Variants in IQCE observed in about 807,000 individuals in gnomAD.
IQCE encodes IQ domain-containing protein E.
In IQCE, 115 loss-of-function variants were observed where a neutral mutation model predicts 96.0. The ratio of observed to expected loss-of-function variants is 1.20; its 90% CI spans 1.03 to 1.40. The LOEUF is 1.40. Ranked by LOEUF, IQCE falls within the 40% of genes most tolerant of loss-of-function variation. The probability of loss-of-function intolerance (pLI) is 0.00; values close to 1 mark genes in which losing one functional copy is unlikely to be tolerated. For synonymous variants in IQCE, 412 were observed against 371.2 expected, an observed-to-expected ratio of 1.11 and a Z score of -1.26; for missense variants, 1,041 against 909.1, an observed-to-expected ratio of 1.15 and a Z score of -1.87.
At chr7:2,591,304 C>G (rs1783564319) in intron 14 of IQCE, among the ~76,000 whole-genome samples, 1 of 152,066 alleles carries the variant, frequency 6.6e-6, no homozygotes, top group African/African-American at 2.4e-5. Flanking sequence ...GGTGTGACCA[C>G]AGGGCTGGGA....
In IQCE at chr7:2,610,491, C is replaced by T. The variant is rs1279364141; in HGVS notation, c.*329C>T. On this transcript the variant is annotated 3_prime_UTR_variant, in exon 22 of 22. Coordinates refer to ENST00000402050, the MANE Select transcript of IQCE (RefSeq NM_152558.5). ...ACGTTCTCTGACAGCACCTTGCCGC[C>T]TGCCCACGACCTTGACCGTGAGGAG... The T allele has an allele frequency of 8.2e-6, 2 of 244,702 alleles. No homozygotes were observed. The highest frequency in any genetic ancestry group is 1.6e-5 in the Non-Finnish European group (2 of 124,272). The allele number at this position is 244,702 out of a possible 1,614,324, so 15.2% of individuals were successfully genotyped here. A position where few individuals can be genotyped will look rare whatever the true frequency, so the allele number is the denominator to read the frequency against.
chr7:2,589,689 C>T (rs930850307), intron 13 of IQCE, among the ~76,000 whole-genome samples: 2 of 152,072 alleles, frequency 1.3e-5, no homozygotes, highest in African/African-American at 2.4e-5. Flanking sequence ...CGGGGGTCTG[C>T]GCGTGCCTCA....
chr7:2,582,601 A>G lies in IQCE; in HGVS notation c.652A>G (p.Arg218Gly). 2 of 1,614,120 alleles carry G rather than the reference A, an allele frequency of 1.2e-6. No individual in the cohort carries two copies. Among genetic ancestry groups the G allele is most frequent in the Non-Finnish European group, 1.7e-6 (2 of 1,179,992 alleles). The stretch of plus-strand genomic sequence containing the variant: ...GCAGGTCATTAACGGGCTGAAGCAG[A>G]GGATCCTGAAGCTGGAACAGCAGTG... ...ASWVINGLKQ[R>G]ILKLEQQCKE... The change falls in exon 9 of 22, where the codon AGG (arginine) becomes GGG (glycine). Residue 218 changes from arginine (R) to glycine (G), a missense_variant. Arg to Gly is a moderately radical substitution (Grantham distance 125, BLOSUM62 -2). Coordinates refer to ENST00000402050, the MANE Select transcript of IQCE (RefSeq NM_152558.5).
intron 16 of IQCE, among the ~76,000 whole-genome samples, chr7:2,597,848 C>A (rs1122334): frequency 2.6e-5 from 4 of 151,864 alleles, no homozygotes; most frequent in African/African-American, 9.7e-5. Context: ...TAAATTTTTT[C>A]ATAGAGATGG....
At chr7:2,603,586 G>A (rs780384781) in intron 18 of IQCE, among the ~76,000 whole-genome samples, 2 of 152,210 alleles carry the variant, frequency 1.3e-5, no homozygotes, top group African/African-American at 2.4e-5. Context: ...TGTGCGCAGT[G>A]TGTGGCGTGA....
intron 17 of IQCE, among the ~76,000 whole-genome samples, chr7:2,599,575 C>T (rs1257554699): frequency 2.0e-5 from 3 of 152,046 alleles, no homozygotes; most frequent in Non-Finnish European, 4.4e-5. Context: ...CAGCTCACTG[C>T]AGCCTCGACC....
chr7:2,605,533 T>A (rs1784742466), intron 19 of IQCE, among the ~76,000 whole-genome samples: 1 of 151,992 alleles, frequency 6.6e-6, no homozygotes, highest in African/African-American at 2.4e-5. Context: ...GGCAGGAGAA[T>A]GGGGTGAACC....
chr7:2,559,715 C>G (rs1023526011), intron 1 of IQCE, among the ~76,000 whole-genome samples: 3 of 124,484 alleles, frequency 2.4e-5, no homozygotes, highest in Non-Finnish European at 3.1e-5. Context: ...TTACTTTGCC[C>G]GGTAAATATC....
chr7:2,606,990 G>C (rs989777981), intron 20 of IQCE, 134 bp from the exon 21 acceptor site: 2 of 775,280 alleles, frequency 2.6e-6, no homozygotes, highest in Admixed American at 6.4e-5. Context: ...CTGGTCGTGG[G>C]GCTCGGGACT....
chr7:2,571,605 C>T lies in IQCE; in HGVS notation c.210C>T (p.Gly70=), dbSNP rs368748411. The T allele has an allele frequency of 3.9e-5, 62 of 1,602,054 alleles. 1 individual carries two copies. The highest frequency in any genetic ancestry group is 1.0e-4 in the Admixed American group (6 of 60,002). The change falls in exon 4 of 22, where the codon GGC becomes GGT. Residue 70 remains glycine (G), a synonymous_variant. Coordinates refer to ENST00000402050, the MANE Select transcript of IQCE (RefSeq NM_152558.5). The part of the protein sequence containing the change: ...LRTAGSMPLG[G]RASLTPQKLW... ...CGGCAGGGAGCATGCCTCTGGGCGG[C>T]CGAGCGTCCCTGACCCCGCAGAAGC...
intron 10 of IQCE, 46 bp from the exon 11 acceptor site, chr7:2,584,190 C>T (rs756493360): frequency 3.9e-6 from 6 of 1,551,472 alleles, no homozygotes; most frequent in Non-Finnish European, 5.3e-6. Flanking sequence ...AAGGTCTTCT[C>T]CATGCTAGCC....
chr7:2,586,950 G>A (rs976846360), intron 12 of IQCE, among the ~76,000 whole-genome samples: 2 of 152,172 alleles, frequency 1.3e-5, no homozygotes, highest in African/African-American at 2.4e-5. Context: ...GCTGCTTCCC[G>A]AGGCCCCCTG....
chr7:2,604,775 A>G, intron 18 of IQCE, 106 bp from the exon 19 acceptor site: 1 of 736,506 alleles, frequency 1.4e-6, no homozygotes, highest in Admixed American at 2.1e-5. Flanking sequence ...GAAGGGAGTC[A>G]CGTTCCCTGC....
At chr7:2,576,727 T>G (rs1229013105) in intron 6 of IQCE, among the ~76,000 whole-genome samples, 2 of 152,144 alleles carry the variant, frequency 1.3e-5, no homozygotes, top group Non-Finnish European at 2.9e-5. Flanking sequence ...TTGTCCCCAC[T>G]CACGTCACCA....
intron 14 of IQCE, among the ~76,000 whole-genome samples, chr7:2,591,110 A>G (rs1175020997): frequency 1.3e-5 from 2 of 152,000 alleles, no homozygotes; most frequent in African/African-American, 4.8e-5. Context: ...AAAATTAGCC[A>G]GTTGTAGTGG....
chr7:2,584,329 C>A (rs778452933), intron 11 of IQCE, 44 bp downstream of exon 11: 1 of 1,582,578 alleles, frequency 6.3e-7, no homozygotes, highest in Non-Finnish European at 8.7e-7. Flanking sequence ...GTTGCCTTCA[C>A]GTTGTGGAAG....
At chr7:2,583,509 C>A in intron 9 of IQCE, 128 bp from the exon 10 acceptor site, 1 of 471,292 alleles carries the variant, frequency 2.1e-6, no homozygotes, top group Non-Finnish European at 3.6e-6. Context: ...CCCGTTCAGG[C>A]TTTTCCCTCC....
intron 8 of IQCE, among the ~76,000 whole-genome samples, chr7:2,581,711 C>CCTTTTTT (rs555502786): frequency 7.1e-6 from 1 of 140,210 alleles, no homozygotes; most frequent in African/African-American, 2.6e-5. Context: ...AAAGAATGTT[C>CCTTTTTT]TTTTTTTTTT....
rs1583460348 is a variant in IQCE, at chr7:2,587,812, C to CTAT, written c.989-9_989-8insATT. 8.1e-6 allele frequency: 13 copies of CTAT among 1,613,972 alleles called. No homozygotes were observed. The highest frequency in any genetic ancestry group is 1.3e-5 in the African/African-American group (1 of 75,064). On this transcript the variant is annotated splice_polypyrimidine_tract_variant and intron_variant, in intron 12 of 21. Coordinates refer to ENST00000402050, the MANE Select transcript of IQCE (RefSeq NM_152558.5). ...AGGATGCCGTTTTGAAACCGCATTG[C>CTAT]TTCCATCAGGTTATGTGGAGTGGAG... is the stretch of plus-strand genomic sequence containing the variant.
Sources: allele counts gnomAD v4.1 joint callset (sites outside exome capture counted in the v4.1 genomes callset), GRCh38; gene constraint gnomAD v4.1.1; transcripts MANE v1.5; gene names NCBI Gene and HGNC (gene_info 2026-07-23, HGNC 2026-07-21).